The following CELF4 variants were observed in gnomAD, a reference collection of about 807,000 sequenced individuals.
The protein encoded by CELF4 is CUG-BP- and ETR-3-like factor 4.
Under a neutral mutation model 59.9 loss-of-function variants are expected in CELF4, and 18 were observed. The ratio of observed to expected loss-of-function variants is 0.30; its 90% CI spans 0.21 to 0.45. CELF4 has a LOEUF of 0.45. Ranked by LOEUF, CELF4 falls within the 20% of genes least tolerant of loss-of-function variation. The pLI, the probability that CELF4 is intolerant of heterozygous loss-of-function variation, is 1.00. For synonymous variants in CELF4, 261 were observed against 267.1 expected, an observed-to-expected ratio of 0.98 and a Z score of 0.22; for missense variants, 456 against 689.0, an observed-to-expected ratio of 0.66 and a Z score of 3.79.
chr18:37,379,647 C>T (rs557351777), intron 2 of CELF4, among the ~76,000 whole-genome samples: 23 of 151,550 alleles, frequency 1.5e-4, no homozygotes, highest in African/African-American at 5.3e-4. Flanking sequence ...TGAGAACTGT[C>T]TTTTGGGACC....
rs78271015 is a variant in CELF4, at chr18:37,450,990, C to T, written c.369+34535G>A. The stretch of plus-strand genomic sequence containing the variant: ...CCACTGCCCTGAGTGTGGCTGTGGG[C>T]GCCTTTGTCAATGCAAAGCAGCCCA... On this transcript the variant is annotated intron_variant, in intron 2 of 12. Transcript: ENST00000420428. 4.8e-3 allele frequency among the ~76,000 whole-genome samples: 733 copies of T among 152,248 alleles called. 6 individuals are homozygous for T. Among genetic ancestry groups the T allele is most frequent in the African/African-American group, 0.017 (689 of 41,538 alleles).
intron 3 of CELF4, chr18:37,275,562 G>A: frequency 2.7e-6 from 1 of 375,322 alleles, no homozygotes; most frequent in Non-Finnish European, 5.0e-6. Flanking sequence ...CTGAGGAGCA[G>A]AGACCCTGGG....
At chr18:37,505,544 C>T (rs946091382) in intron 1 of CELF4, among the ~76,000 whole-genome samples, 10 of 152,052 alleles carry the variant, frequency 6.6e-5, no homozygotes, top group Admixed American at 6.6e-4. Flanking sequence ...ATTGTGGGGA[C>T]CAAGTCCTTC....
chr18:37,407,355 G>C (rs1198315925), intron 2 of CELF4, among the ~76,000 whole-genome samples: 1 of 152,194 alleles, frequency 6.6e-6, no homozygotes, highest in African/African-American at 2.4e-5. Flanking sequence ...TGAGTGAGCA[G>C]ACATGGCACC....
chr18:37,370,576 T>C (rs1266864759), intron 2 of CELF4, among the ~76,000 whole-genome samples: 5 of 152,128 alleles, frequency 3.3e-5, no homozygotes, highest in East Asian at 1.9e-4. Flanking sequence ...CCCACGAGAG[T>C]GGCCACATAC....
chr18:37,268,492 C>T (rs956535002), intron 8 of CELF4, among the ~76,000 whole-genome samples: 1 of 152,348 alleles, frequency 6.6e-6, no homozygotes, highest in South Asian at 2.1e-4. Flanking sequence ...CAGTTTGGTG[C>T]CCTCATGCAA....
intron 2 of CELF4, among the ~76,000 whole-genome samples, chr18:37,427,044 G>GTT (rs1024441334): frequency 6.6e-6 from 1 of 151,964 alleles, no homozygotes; most frequent in East Asian, 1.9e-4. Flanking sequence ...ACACGGGGGG[G>GTT]GGGGAAGCTG....
intron 3 of CELF4, among the ~76,000 whole-genome samples, chr18:37,316,483 C>G (rs147691345): frequency 0.012 from 1,779 of 152,200 alleles, 23 homozygotes; most frequent in Middle Eastern, 0.024. Context: ...TCTCTCTTCT[C>G]TTCCTGCCCA....
intron 2 of CELF4, among the ~76,000 whole-genome samples, chr18:37,323,299 G>A (rs1036184153): frequency 6.6e-6 from 1 of 152,014 alleles, no homozygotes; most frequent in African/African-American, 2.4e-5. Flanking sequence ...GGGTGTCATT[G>A]TTCACCACCA....
chr18:37,408,492 C>A (rs10164128), intron 2 of CELF4, among the ~76,000 whole-genome samples: 2 of 112,298 alleles, frequency 1.8e-5, no homozygotes, highest in Admixed American at 9.3e-5. Context: ...TGGTTGGTGC[C>A]GGGGGGGGGC....
At chr18:37,302,814 G>A (rs2096148487) in intron 3 of CELF4, among the ~76,000 whole-genome samples, 1 of 152,202 alleles carries the variant, frequency 6.6e-6, no homozygotes, top group Non-Finnish European at 1.5e-5. Context: ...GAGCAGGCAG[G>A]CTGGCTGGTT....
chr18:37,275,593 A>T (rs1457202193), intron 3 of CELF4: 1 of 275,574 alleles, frequency 3.6e-6, no homozygotes, highest in Admixed American at 4.8e-5. Flanking sequence ...ACTAGAGCAC[A>T]CGGGCAGCCT....
intron 2 of CELF4, among the ~76,000 whole-genome samples, chr18:37,482,601 A>T (rs969771778): frequency 6.6e-6 from 1 of 152,196 alleles, no homozygotes; most frequent in Non-Finnish European, 1.5e-5. Flanking sequence ...AAGAACAGCC[A>T]CTGTGGTCTG....
intron 1 of CELF4, among the ~76,000 whole-genome samples, chr18:37,497,396 G>A (rs1401227578): frequency 6.6e-6 from 1 of 152,220 alleles, no homozygotes; most frequent in Non-Finnish European, 1.5e-5. Context: ...GCTCAGGCCT[G>A]TAATCCCAGC....
At position 37,565,517 on chromosome 18, in the gene CELF4, T is replaced by C. The variant is rs2099987953; in HGVS notation, c.125A>G (p.Asn42Ser). 6.2e-7 allele frequency: 1 copy of C among 1,614,174 alleles called. No homozygotes were observed. Among genetic ancestry groups the C allele is most frequent in the Non-Finnish European group, 8.5e-7 (1 of 1,180,028 alleles). Residue 42 changes from asparagine to serine, a missense_variant, in exon 1 of 13, where the codon AAC becomes AGC. Physicochemically the swap from Asn to Ser is conservative, Grantham distance 46 (BLOSUM62 1). Transcript: ENST00000420428. ...GTCCTTCATGGGAATGGTCGACGGG[T>C]TCCCCGGGCTGTGGCTTAATCCGTT... ...HMNGLSHSPG[N>S]PSTIPMKDHD...
intron 12 of CELF4, among the ~76,000 whole-genome samples, chr18:37,252,749 G>A (rs764547771): frequency 9.3e-5 from 14 of 150,350 alleles, no homozygotes; most frequent in Non-Finnish European, 1.8e-4. Flanking sequence ...TTGATCACAC[G>A]TCATTGTTTA....
intron 1 of CELF4, among the ~76,000 whole-genome samples, chr18:37,562,360 T>C (rs1408642413): frequency 7.2e-6 from 1 of 139,540 alleles, no homozygotes; most frequent in Non-Finnish European, 1.5e-5. Context: ...ATTTAGTTTT[T>C]ACTTCTTTTC....
chr18:37,455,075 A>G (rs1465850207), intron 2 of CELF4, among the ~76,000 whole-genome samples: 1 of 152,172 alleles, frequency 6.6e-6, no homozygotes, highest in African/African-American at 2.4e-5. Flanking sequence ...ATCCACATTC[A>G]AATGTATTTC....
intron 1 of CELF4, among the ~76,000 whole-genome samples, chr18:37,489,635 C>T (rs922896403): frequency 1.3e-5 from 2 of 152,178 alleles, no homozygotes; most frequent in Non-Finnish European, 2.9e-5. Flanking sequence ...TCAGCCTCAG[C>T]CCAGCAGCCA....
Sources: gnomAD v4.1 joint callset for allele counts (sites outside exome capture counted in the v4.1 genomes callset) on GRCh38, gnomAD v4.1.1 for gene constraint, MANE v1.5 for transcripts, NCBI Gene and HGNC (gene_info 2026-07-23, HGNC 2026-07-21) for gene names.